NWD1: variants seen among roughly 807,000 people sequenced by gnomAD.
NWD1 encodes the protein NACHT domain- and WD repeat-containing protein 1.
In NWD1, 129 loss-of-function variants were observed where a neutral mutation model predicts 135.1. That is an observed-to-expected ratio of 0.96 (90% CI 0.83 to 1.11). The LOEUF (loss-of-function observed/expected upper bound fraction) is 1.11, where lower values mean the gene tolerates loss of function less well. Among genes scored for constraint, NWD1 ranks in the 50% least tolerant of loss-of-function variants. NWD1 has a pLI of 0.00. For missense variants in NWD1, 1,740 were observed against 1,851.3 expected, an observed-to-expected ratio of 0.94 and a Z score of 1.10; for synonymous variants, 773 against 786.0, an observed-to-expected ratio of 0.98 and a Z score of 0.28.
intron 4 of NWD1, among the ~76,000 whole-genome samples, chr19:16,739,792 C>G (rs1968005788): frequency 1.3e-5 from 2 of 152,176 alleles, no homozygotes; most frequent in Admixed American, 6.6e-5. Context: ...GTCTCTTGGG[C>G]TATCAGCAGC....
chr19:16,759,205 C>A lies in NWD1; in HGVS notation c.1770-20C>A. 3.7e-6 allele frequency: 6 copies of A among 1,602,320 alleles called. No homozygotes were observed. Among genetic ancestry groups the A allele is most frequent in the Non-Finnish European group, 5.1e-6 (6 of 1,169,552 alleles). On this transcript the variant is annotated intron_variant, in intron 6 of 18. Coordinates refer to ENST00000524140, the MANE Select transcript of NWD1 (RefSeq NM_001007525.5). ...GAAGACATGAGATGTGCCTCAAAGC[C>A]CCACTGGTCCTCCCTTCAGACACGG...
At chr19:16,729,014 C>T (rs921962515) in intron 2 of NWD1, among the ~76,000 whole-genome samples, 14 of 151,540 alleles carry the variant, frequency 9.2e-5, no homozygotes, top group African/African-American at 3.4e-4. Flanking sequence ...ACCTGCAATC[C>T]CAGCACATTG....
Position 16,815,298 on chromosome 19 carries a change from AC to A in NWD1, c.*260del, listed in dbSNP as rs1353938723. The A allele has an allele frequency of 1.3e-6, 1 of 780,768 alleles. No individual in the cohort carries two copies. The highest frequency in any genetic ancestry group is 2.4e-6 in the Non-Finnish European group (1 of 418,116). 48.4% of individuals were successfully genotyped at this position (780,768 alleles called of 1,614,324 possible). ...GCCCAGGGAAATGAAACCAAATCAA[AC>A]AAATGCTCACAAGTGTGCCTGATAG... On this transcript the variant is annotated 3_prime_UTR_variant, in exon 19 of 19. Transcript: ENST00000524140.
intron 17 of NWD1, among the ~76,000 whole-genome samples, chr19:16,803,169 A>G (rs773103147): frequency 1.3e-5 from 2 of 152,152 alleles, no homozygotes; most frequent in Admixed American, 6.6e-5. Context: ...CGCTACCACA[A>G]GAACAGTATG....
In NWD1 at chr19:16,720,177, T is replaced by C. The variant is rs185900663; in HGVS notation, c.-221T>C. 1 of 152,326 alleles carries C rather than the reference T, an allele frequency of 6.6e-6. No homozygotes were observed. The highest frequency in any genetic ancestry group is 1.5e-5 in the Non-Finnish European group (1 of 68,028). 9.4% of individuals were successfully genotyped at this position (152,326 alleles called of 1,614,324 possible). A position where few individuals can be genotyped will look rare whatever the true frequency, so the allele number is the denominator to read the frequency against. On this transcript the variant is annotated 5_prime_UTR_variant, in exon 1 of 19. An upstream open reading frame in the 5' UTR loses its in-frame stop. Transcript: ENST00000524140. Reference sequence around the variant, plus strand: ...GGAAGCTGTTGTGATGATAATTTACTGAGCACCTACTATGTGCCAGGCACG... The same window carrying C: ...GGAAGCTGTTGTGATGATAATTTACCGAGCACCTACTATGTGCCAGGCACG...
Position 16,733,437 on chromosome 19 carries a change from C to T in NWD1, c.81+2159C>T, listed in dbSNP as rs565424654. Among the ~76,000 whole-genome samples, 21 of 150,680 alleles carry T rather than the reference C, an allele frequency of 1.4e-4. No homozygotes were observed. The South Asian group carries it at 1.9e-3, about 14-fold the overall frequency. On this transcript the variant is annotated intron_variant, in intron 3 of 18. Transcript: ENST00000524140. ...TCGGGAGGCTGGGGCAGGAGAATTG[C>T]TTGAACCTGGGAGGTGGTGGTTGCA...
At chr19:16,764,692 CCT>C (rs149038284) in intron 9 of NWD1, among the ~76,000 whole-genome samples, 32 of 149,450 alleles carry the variant, frequency 2.1e-4, no homozygotes, top group Non-Finnish European at 2.4e-4. Flanking sequence ...TTTCTATCTC[CCT>C]CTCTCTCTCT....
intron 14 of NWD1, among the ~76,000 whole-genome samples, chr19:16,794,223 G>C (rs574295741): frequency 6.6e-6 from 1 of 152,096 alleles, no homozygotes; most frequent in East Asian, 1.9e-4. Flanking sequence ...AAAATTAGCC[G>C]GGCATGGTGG....
rs547046047 is a variant in NWD1, at chr19:16,754,513, C to G, written c.1769+4102C>G. ...CCATCCATCCATCCATCCATCATCTCTATCTTCCATTCATCTATCCATCAT... is the reference window on the plus strand; with the variant it reads ...CCATCCATCCATCCATCCATCATCTGTATCTTCCATTCATCTATCCATCAT... On this transcript the variant is annotated intron_variant, in intron 6 of 18. Transcript: ENST00000524140. Among the ~76,000 whole-genome samples the G allele has an allele frequency of 1.9e-4, 28 of 150,394 alleles. No homozygotes were observed. In the East Asian group the frequency reaches 5.7e-3, roughly 31 times the overall value.
chr19:16,757,657 G>A (rs974205794), intron 6 of NWD1, among the ~76,000 whole-genome samples: 13 of 152,104 alleles, frequency 8.5e-5, no homozygotes, highest in South Asian at 4.1e-4. Flanking sequence ...TCTGAGGTTC[G>A]CATTGCTTAG....
chr19:16,738,109 C>T, intron 4 of NWD1: 1 of 346,264 alleles, frequency 2.9e-6, no homozygotes, highest in Middle Eastern at 4.0e-4. Context: ...CAGCCATGTC[C>T]ACTTGTTTAC....
At chr19:16,780,653 TTTCTTTTTCTCA>T (rs938885822) in intron 12 of NWD1, among the ~76,000 whole-genome samples, 2 of 151,984 alleles carry the variant, frequency 1.3e-5, no homozygotes, top group African/African-American at 4.8e-5. Context: ...TCTCTTTCCT[TTTCTTTTTCTCA>T]TTCTTTTTTT....
At chr19:16,721,274 G>A (rs1156918382) in intron 1 of NWD1, 1 of 152,142 alleles carries the variant, frequency 6.6e-6, no homozygotes, top group Non-Finnish European at 1.5e-5. Flanking sequence ...TGCCACCACA[G>A]AGGATGATCT....
chr19:16,752,534 C>T (rs191629424), intron 6 of NWD1, among the ~76,000 whole-genome samples: 13 of 116,256 alleles, frequency 1.1e-4, no homozygotes, highest in Non-Finnish European at 1.5e-4. Context: ...GGTGCTACTC[C>T]GGAGGCTGAG....
At chr19:16,722,446 C>T (rs545140714) in intron 1 of NWD1, among the ~76,000 whole-genome samples, 70 of 151,946 alleles carry the variant, frequency 4.6e-4, no homozygotes, top group Non-Finnish European at 8.7e-4. Flanking sequence ...TGAACCATCA[C>T]GCCCAGCTAA....
chr19:16,783,406 G>A (rs1405812992), intron 12 of NWD1, among the ~76,000 whole-genome samples: 1 of 152,004 alleles, frequency 6.6e-6, no homozygotes, highest in African/African-American at 2.4e-5. Flanking sequence ...AGGCCGAGGT[G>A]GGTGGATCAC....
intron 12 of NWD1, among the ~76,000 whole-genome samples, chr19:16,785,506 G>C (rs1970007283): frequency 1.3e-5 from 2 of 150,258 alleles, no homozygotes; most frequent in Non-Finnish European, 1.5e-5. Flanking sequence ...GTGAGACTCT[G>C]TCTCAAAAAA....
At chr19:16,786,603 G>A (rs1476439943) in intron 12 of NWD1, among the ~76,000 whole-genome samples, 5 of 151,702 alleles carry the variant, frequency 3.3e-5, no homozygotes, top group Non-Finnish European at 7.4e-5. Flanking sequence ...CTGGAGTGTA[G>A]TGGTCCAGTC....
At chr19:16,740,259 G>A (rs545197405) in intron 4 of NWD1, among the ~76,000 whole-genome samples, 22 of 152,076 alleles carry the variant, frequency 1.4e-4, no homozygotes, top group South Asian at 8.3e-4. Context: ...TGATTGTACC[G>A]TGGCACTCTG....
Sources: allele counts gnomAD v4.1 joint callset (sites outside exome capture counted in the v4.1 genomes callset), GRCh38; gene constraint gnomAD v4.1.1; transcripts MANE v1.5; gene names NCBI Gene and HGNC (gene_info 2026-07-23, HGNC 2026-07-21).